The following PPP2CB variants were observed in gnomAD, a reference collection of about 807,000 sequenced individuals.
PPP2CB encodes serine/threonine-protein phosphatase 2A catalytic subunit beta isoform.
PPP2CB carries 18 observed loss-of-function variants against 39.1 expected under a neutral mutation model. That is an observed-to-expected ratio of 0.46 (90% confidence interval 0.32 to 0.68). PPP2CB has a LOEUF of 0.68. Ranked by LOEUF, PPP2CB falls within the 30% of genes least tolerant of loss-of-function variation. The pLI is 0.04. For synonymous variants in PPP2CB, 129 were observed against 133.8 expected, an observed-to-expected ratio of 0.96 and a Z score of 0.25; for missense variants, 226 against 396.9, an observed-to-expected ratio of 0.57 and a Z score of 3.66.
rs890435482 is a variant in PPP2CB, at chr8:30,796,542, C to G, written c.486+1039G>C. Among the ~76,000 whole-genome samples, 4 of 152,222 alleles carry G rather than the reference C, an allele frequency of 2.6e-5. No individual in the cohort carries two copies. In the South Asian group the frequency reaches 8.3e-4, roughly 32 times the overall value. ...GGACTGGGACTACAGGCATGCAATGCCATCCCCGGCTAATTTTTGTATTTT... is the reference window on the plus strand; with the variant it reads ...GGACTGGGACTACAGGCATGCAATGGCATCCCCGGCTAATTTTTGTATTTT... On this transcript the variant is annotated intron_variant, in intron 3 of 6. Coordinates refer to ENST00000221138, the MANE Select transcript of PPP2CB (RefSeq NM_001009552.2).
At position 30,791,280 on chromosome 8, in the gene PPP2CB, G is replaced by A. The variant is rs1806423258; in HGVS notation, c.774C>T (p.Thr258=). Residue 258 remains threonine (T), a synonymous_variant, in exon 6 of 7, where the codon ACC becomes ACT. Transcript: ENST00000221138. ...AACAGTAATTGGGTGCACTGAAAAT[G>A]GTAACCACATTCCGATCATGACACC... The part of the protein sequence containing the change: ...YNWCHDRNVV[T]IFSAPNYCYR... 1.9e-6 allele frequency: 3 copies of A among 1,612,152 alleles called. No individual in the cohort carries two copies. Among genetic ancestry groups the A allele is most frequent in the Non-Finnish European group, 2.5e-6 (3 of 1,179,504 alleles).
At chr8:30,811,214 T>C (rs1806820319) in intron 1 of PPP2CB, among the ~76,000 whole-genome samples, 2 of 152,328 alleles carry the variant, frequency 1.3e-5, no homozygotes, top group East Asian at 3.9e-4. Context: ...CCGCATGTTT[T>C]ATTATTCTTT....
At chr8:30,804,890 AT>A (rs1301142924) in intron 1 of PPP2CB, among the ~76,000 whole-genome samples, 2 of 151,916 alleles carry the variant, frequency 1.3e-5, no homozygotes, top group African/African-American at 4.8e-5. Context: ...TGACCACCCT[AT>A]TAAAAAAAAA....
intron 6 of PPP2CB, among the ~76,000 whole-genome samples, chr8:30,787,678 A>C (rs151325972): frequency 1.3e-5 from 2 of 152,346 alleles, no homozygotes; most frequent in East Asian, 3.9e-4. Flanking sequence ...CAATGAAGCC[A>C]ATTGGGCTTG....
intron 6 of PPP2CB, among the ~76,000 whole-genome samples, chr8:30,787,916 A>G (rs1806370280): frequency 6.6e-6 from 1 of 152,166 alleles, no homozygotes; most frequent in Non-Finnish European, 1.5e-5. Context: ...TTCTTGAGTC[A>G]GTTTCAGTAG....
intron 6 of PPP2CB, among the ~76,000 whole-genome samples, chr8:30,788,255 G>T (rs202146477): frequency 9.9e-5 from 14 of 141,242 alleles, no homozygotes; most frequent in Admixed American, 7.0e-5. Flanking sequence ...AAATCTTCTT[G>T]TTTTTTTTTT....
chr8:30,789,199 T>C (rs1806390547), intron 6 of PPP2CB, among the ~76,000 whole-genome samples: 1 of 152,130 alleles, frequency 6.6e-6, no homozygotes, highest in Non-Finnish European at 1.5e-5. Context: ...CCCAACTAAT[T>C]TTGTATTTTT....
At chr8:30,804,471 G>T (rs947676996) in intron 1 of PPP2CB, among the ~76,000 whole-genome samples, 4 of 152,170 alleles carry the variant, frequency 2.6e-5, no homozygotes, top group Non-Finnish European at 4.4e-5. Context: ...TGGAGGACTG[G>T]ACACTACAGA....
At chr8:30,806,198 C>T (rs941798950) in intron 1 of PPP2CB, among the ~76,000 whole-genome samples, 1 of 151,784 alleles carries the variant, frequency 6.6e-6, no homozygotes, top group Non-Finnish European at 1.5e-5. Context: ...CAGGCGCCTG[C>T]CACCACGCCT....
intron 1 of PPP2CB, among the ~76,000 whole-genome samples, chr8:30,805,269 G>C (rs1244656402): frequency 6.6e-6 from 1 of 152,132 alleles, no homozygotes; most frequent in East Asian, 1.9e-4. Context: ...TCTATAAGAT[G>C]GGATTTTGAG....
At chr8:30,786,509 T>TTTTTTTTTTTTTTTTTTTTTTTTTTG (rs1554580805) in intron 6 of PPP2CB, 1 of 383,090 alleles carries the variant, frequency 2.6e-6, no homozygotes, top group African/African-American at 2.1e-5. Flanking sequence ...GGTGAAAATT[T>TTTTTTTTTTTTTTTTTTTTTTTTTTG]AAGAAGACAG....
chr8:30,787,502 G>A (rs1025352243), intron 6 of PPP2CB, among the ~76,000 whole-genome samples: 1 of 152,152 alleles, frequency 6.6e-6, no homozygotes, highest in Non-Finnish European at 1.5e-5. Context: ...ACCACACCAG[G>A]TTAATTTTTG....
intron 6 of PPP2CB, among the ~76,000 whole-genome samples, chr8:30,788,342 C>T (rs983637072): frequency 3.3e-5 from 5 of 151,954 alleles, no homozygotes; most frequent in Admixed American, 3.3e-4. Context: ...TAGCTCATTG[C>T]AGCCTTGATC....
chr8:30,792,789 A>G (rs1806460058), intron 5 of PPP2CB, among the ~76,000 whole-genome samples: 1 of 152,122 alleles, frequency 6.6e-6, no homozygotes, highest in Non-Finnish European at 1.5e-5. Flanking sequence ...CCCAAATAAC[A>G]GCTAAATTTT....
chr8:30,797,791 A>C (rs763897021), intron 2 of PPP2CB, 37 bp from the exon 3 acceptor site: 1 of 1,594,392 alleles, frequency 6.3e-7, no homozygotes, highest in East Asian at 2.2e-5. Context: ...GTAAAATCAC[A>C]TTTTTACTAG....
intron 1 of PPP2CB, among the ~76,000 whole-genome samples, chr8:30,810,580 T>C (rs1365587424): frequency 2.6e-5 from 4 of 152,252 alleles, no homozygotes; most frequent in Non-Finnish European, 5.9e-5. Context: ...TTCAAACCTG[T>C]ACATTTCACT....
Position 30,793,987 on chromosome 8 carries a change from T to C in PPP2CB, c.668A>G (p.Asp223Gly). The change falls in exon 5 of 7, where the codon GAC becomes GGC. Residue 223 changes from aspartate to glycine, a missense_variant. Around this residue, in one of 4 missense-constraint regions of PPP2CB, gnomAD observed 110 missense variants for 244.1 expected, o/e 0.45. Transcript: ENST00000221138. ...PRGAGYTFGQDISETFNHANG... is the reference protein window; with the variant it reads ...PRGAGYTFGQGISETFNHANG... ...GGCATGGTTAAAGGTTTCAGAAATG[T>C]CTTGTCCAAATGTGTAGCCAGCACC... is the stretch of plus-strand genomic sequence containing the variant. 6.2e-7 allele frequency: 1 copy of C among 1,613,904 alleles called. No individual in the cohort carries two copies. Among genetic ancestry groups the C allele is most frequent in the East Asian group, 2.2e-5 (1 of 44,866 alleles).
chr8:30,802,650 T>C (rs1806646777), intron 1 of PPP2CB, among the ~76,000 whole-genome samples: 1 of 152,100 alleles, frequency 6.6e-6, no homozygotes, highest in African/African-American at 2.4e-5. Flanking sequence ...TGGCCAATGC[T>C]CGAAATTTTA....
chr8:30,801,285 C>T (rs1342848052), intron 1 of PPP2CB, among the ~76,000 whole-genome samples: 5 of 152,118 alleles, frequency 3.3e-5, no homozygotes, highest in Admixed American at 2.6e-4. Flanking sequence ...GTAATCCCAG[C>T]ACTTTGGGAG....
Sources: gnomAD v4.1 joint callset for allele counts (sites outside exome capture counted in the v4.1 genomes callset) on GRCh38, gnomAD v4.1.1 for gene constraint, gnomAD v4.1.1 regional missense constraint, MANE v1.5 for transcripts, NCBI Gene and HGNC (gene_info 2026-07-23, HGNC 2026-07-21) for gene names.